The following MECOM variants were observed in gnomAD, a reference collection of about 807,000 sequenced individuals.
MECOM encodes MDS1 and EVI1 complex locus.
In MECOM, 13 loss-of-function variants were observed where a neutral mutation model predicts 116.3. The observed-to-expected ratio is 0.11, with a 90% confidence interval of 0.07 to 0.18. The LOEUF (loss-of-function observed/expected upper bound fraction) is 0.18. MECOM is among the 10% of genes least tolerant of loss of function. The pLI, the probability that MECOM is intolerant of heterozygous loss-of-function variation, is 1.00. For synonymous variants in MECOM, 528 were observed against 535.2 expected, an observed-to-expected ratio of 0.99 and a Z score of 0.19; for missense variants, 1,299 against 1,509.0, an observed-to-expected ratio of 0.86 and a Z score of 2.31.
chr3:169,180,814 T>TATATATATATATATATATATA (rs1745870799), intron 2 of MECOM, among the ~76,000 whole-genome samples: 1 of 143,638 alleles, frequency 7.0e-6, no homozygotes, highest in Non-Finnish European at 1.5e-5. Context: ...TATATATATA[T>TATATATATATATATATATATA]CAGGCTGTGT....
rs112922289 is a variant in MECOM at position 169,308,136 on chromosome 3, G to A, written c.375+73051C>T. Among the ~76,000 whole-genome samples, 549 of 152,054 alleles carry A rather than the reference G, an allele frequency of 3.6e-3. 1 individual carries two copies. Among genetic ancestry groups the A allele is most frequent in the Middle Eastern group, 0.02 (6 of 294 alleles). On this transcript the variant is annotated intron_variant, in intron 2 of 16. Coordinates refer to ENST00000651503, the MANE Select transcript of MECOM (RefSeq NM_004991.4). ...AACTGATTACAAGTTGTAATTATAC[G>A]TAAATGTGTTGACTTGTTCCCTAAT...
intron 2 of MECOM, among the ~76,000 whole-genome samples, chr3:169,372,662 G>A (rs917281824): frequency 2.0e-5 from 3 of 151,972 alleles, no homozygotes; most frequent in Non-Finnish European, 4.4e-5. Flanking sequence ...ATAACCCTAT[G>A]CTAGATCTGC....
chr3:169,563,811 C>T (rs977964569), intron 1 of MECOM, among the ~76,000 whole-genome samples: 5 of 152,114 alleles, frequency 3.3e-5, no homozygotes, highest in Admixed American at 6.5e-5. Flanking sequence ...CAAAACTGTC[C>T]TCCTGTCATA....
chr3:169,663,218 C>T, intron 1 of MECOM, 118 bp downstream of exon 1: 12 of 1,230,706 alleles, frequency 9.8e-6, no homozygotes, highest in Non-Finnish European at 1.3e-5. Context: ...TCCGCCTGCC[C>T]TCCACCCGGG....
chr3:169,530,736 G>A (rs1295624924), intron 1 of MECOM, among the ~76,000 whole-genome samples: 1 of 152,136 alleles, frequency 6.6e-6, no homozygotes, highest in Non-Finnish European at 1.5e-5. Flanking sequence ...TTGGGCCTCA[G>A]TTCTTCCTCT....
chr3:169,294,366 G>T (rs1252429011), intron 2 of MECOM, among the ~76,000 whole-genome samples: 7 of 152,072 alleles, frequency 4.6e-5, no homozygotes, highest in African/African-American at 1.7e-4. Context: ...TGTTTTCAGG[G>T]GAAAGTTAGC....
chr3:169,213,077 TA>T (rs11314719), intron 2 of MECOM, among the ~76,000 whole-genome samples: 30,431 of 147,778 alleles, frequency 0.21, 3,277 homozygotes, highest in African/African-American at 0.26. Context: ...CTTTCTTTTT[TA>T]TTTTTTTTAA....
intron 2 of MECOM, among the ~76,000 whole-genome samples, chr3:169,326,073 G>C (rs1721779898): frequency 1.3e-5 from 2 of 152,010 alleles, no homozygotes; most frequent in Non-Finnish European, 2.9e-5. Context: ...ACAGGGCTGT[G>C]GAACACAGAG....
intron 2 of MECOM, among the ~76,000 whole-genome samples, chr3:169,149,077 C>CT (rs60870748): frequency 0.053 from 6,099 of 115,102 alleles, 358 homozygotes; most frequent in African/African-American, 0.16. Context: ...TCGGAGCTTT[C>CT]TTTTTTTTTT....
chr3:169,230,296 C>CCAGT (rs1753219375), intron 2 of MECOM, among the ~76,000 whole-genome samples: 1 of 151,696 alleles, frequency 6.6e-6, no homozygotes, highest in Non-Finnish European at 1.5e-5. Flanking sequence ...ACTTAGCCAG[C>CCAGT]TTTTTTCTTT....
At chr3:169,241,189 A>C (rs1342541953) in intron 2 of MECOM, among the ~76,000 whole-genome samples, 1 of 152,154 alleles carries the variant, frequency 6.6e-6, no homozygotes, top group African/African-American at 2.4e-5. Flanking sequence ...GACCATAGTC[A>C]TTTTGGAGTT....
At chr3:169,186,482 T>A (rs1746791781) in intron 2 of MECOM, among the ~76,000 whole-genome samples, 1 of 151,992 alleles carries the variant, frequency 6.6e-6, no homozygotes, top group South Asian at 2.1e-4. Context: ...TGGTCATACA[T>A]GTAATTTGTT....
intron 1 of MECOM, chr3:169,484,145 C>T (rs1751797594): frequency 2.9e-6 from 2 of 700,300 alleles, no homozygotes; most frequent in Non-Finnish European, 4.9e-6. Context: ...CTTTTTATCT[C>T]ACAATTCAAC....
chr3:169,655,176 C>A (rs1210836065), intron 1 of MECOM, among the ~76,000 whole-genome samples: 1 of 152,064 alleles, frequency 6.6e-6, no homozygotes, highest in African/African-American at 2.4e-5. Context: ...AAGCTGCCAC[C>A]TTTAGAGGAG....
At chr3:169,167,876 C>G (rs185804448) in intron 2 of MECOM, among the ~76,000 whole-genome samples, 18 of 152,138 alleles carry the variant, frequency 1.2e-4, no homozygotes, top group African/African-American at 4.3e-4. Context: ...CTTTTGAGTA[C>G]TTGTCCTTTC....
chr3:169,102,172 G>C lies in MECOM; in HGVS notation c.2659C>G (p.Pro887Ala). 1.2e-6 allele frequency: 2 copies of C among 1,613,880 alleles called. No homozygotes were observed. Among genetic ancestry groups the C allele is most frequent in the Non-Finnish European group, 1.7e-6 (2 of 1,179,852 alleles). The change falls in exon 11 of 17, where the codon CCT becomes GCT. Residue 887 changes from proline to alanine, a missense_variant. Physicochemically the swap from Pro to Ala is conservative, Grantham distance 27 (BLOSUM62 -1). This residue lies in a region of MECOM where 340 missense variants were observed against 312.6 expected (regional missense o/e 1.09). Coordinates refer to ENST00000651503, the MANE Select transcript of MECOM (RefSeq NM_004991.4). ...EKLESFSALK[P>A]EASELLQSVP... is the part of the protein sequence containing the mutation. The stretch of plus-strand genomic sequence containing the variant: ...GACTGTAAGAGCTCACTGGCCTCAG[G>C]TTTCAGGGCACTGAAGCTCTCTAGC...
At chr3:169,339,548 A>G (rs1362163188) in intron 2 of MECOM, among the ~76,000 whole-genome samples, 1 of 152,210 alleles carries the variant, frequency 6.6e-6, no homozygotes, top group Admixed American at 6.5e-5. Context: ...GCATCCCTGG[A>G]CTGTCATTGA....
intron 2 of MECOM, among the ~76,000 whole-genome samples, chr3:169,265,345 T>C (rs1758130657): frequency 6.6e-6 from 1 of 152,158 alleles, no homozygotes; most frequent in Non-Finnish European, 1.5e-5. Context: ...CAGACAGAGA[T>C]GGGCTCCAAA....
intron 1 of MECOM, among the ~76,000 whole-genome samples, chr3:169,432,128 G>A (rs1741740176): frequency 6.6e-6 from 1 of 151,606 alleles, no homozygotes; most frequent in Admixed American, 6.6e-5. Context: ...GAAGAAAAGT[G>A]ATAGTTCCAC....
Sources: allele counts gnomAD v4.1 joint callset (sites outside exome capture counted in the v4.1 genomes callset), GRCh38; gene constraint gnomAD v4.1.1; regional missense constraint gnomAD v4.1.1; transcripts MANE v1.5; gene names NCBI Gene and HGNC (gene_info 2026-07-23, HGNC 2026-07-21).